Variants in PEPD observed in about 807,000 individuals in gnomAD.
PEPD encodes the protein peptidase D, also known as xaa-Pro dipeptidase.
Under a neutral mutation model 60.7 loss-of-function variants are expected in PEPD, and 53 were observed. The ratio of observed to expected loss-of-function variants is 0.87; its 90% CI spans 0.70 to 1.10. The LOEUF is 1.10. Among genes scored for constraint, PEPD ranks in the 50% least tolerant of loss-of-function variants. The pLI, the probability that PEPD is intolerant of heterozygous loss-of-function variation, is 0.00. For synonymous variants in PEPD, 267 were observed against 284.1 expected (o/e 0.94, Z 0.60); for missense variants, 711 against 711.9 (o/e 1.00, Z 0.01).
At chr19:33,503,670 C>A (rs1031291722) in intron 3 of PEPD, among the ~76,000 whole-genome samples, 3 of 152,184 alleles carry the variant, frequency 2.0e-5, no homozygotes, top group Non-Finnish European at 2.9e-5. Context: ...CAGCGAAATG[C>A]GTGGCTGGGA....
rs558165115 is a variant in PEPD at position 33,444,594 on chromosome 19, T to C, written c.671+18401A>G. ...AGCGCTCTCAGCTTCACCTCCAAAC[T>C]CACCCTCCAGCCCCCTCCCTCCCAT... On this transcript the variant is annotated intron_variant, in intron 9 of 14. Coordinates refer to ENST00000244137, the MANE Select transcript of PEPD (RefSeq NM_000285.4). Among the ~76,000 whole-genome samples, 196 of 138,770 alleles carry C rather than the reference T, an allele frequency of 1.4e-3. 1 individual carries two copies. Among genetic ancestry groups the C allele is most frequent in the African/African-American group, 4.6e-3 (167 of 36,546 alleles). The allele number at this position is 138,770 out of a possible 152,430, so 91.0% of individuals were successfully genotyped here.
chr19:33,448,956 C>T (rs1969645893), intron 9 of PEPD, among the ~76,000 whole-genome samples: 1 of 152,226 alleles, frequency 6.6e-6, no homozygotes, highest in Non-Finnish European at 1.5e-5. Context: ...AAACTCTGGC[C>T]TTTCTCTTGC....
intron 13 of PEPD, 72 bp from the exon 14 acceptor site, chr19:33,388,153 G>C: frequency 8.0e-7 from 1 of 1,250,032 alleles, no homozygotes. Flanking sequence ...GGAGAGATGG[G>C]CATGTGAGGG....
chr19:33,420,033 A>C (rs755935824), intron 9 of PEPD, among the ~76,000 whole-genome samples: 38 of 152,224 alleles, frequency 2.5e-4, no homozygotes. Context: ...TTAGCATTTT[A>C]ATTGGATAAT....
At chr19:33,500,258 G>A (rs1448265491) in intron 4 of PEPD, among the ~76,000 whole-genome samples, 1 of 152,248 alleles carries the variant, frequency 6.6e-6, no homozygotes, top group African/African-American at 2.4e-5. Flanking sequence ...GCCAGGCAGT[G>A]GTTTAGTGTC....
intron 1 of PEPD, among the ~76,000 whole-genome samples, chr19:33,514,297 G>A (rs1017325362): frequency 6.6e-6 from 1 of 152,058 alleles, no homozygotes; most frequent in Non-Finnish European, 1.5e-5. Context: ...TGAAGCTGTG[G>A]ATGAAACCTG....
intron 9 of PEPD, among the ~76,000 whole-genome samples, chr19:33,427,696 C>T (rs1246039287): frequency 3.3e-5 from 5 of 151,964 alleles, no homozygotes; most frequent in Non-Finnish European, 7.3e-5. Flanking sequence ...ATGCTACCCT[C>T]TTTTGGCTTC....
intron 9 of PEPD, among the ~76,000 whole-genome samples, chr19:33,414,536 G>C (rs961632355): frequency 1.3e-5 from 2 of 152,112 alleles, no homozygotes; most frequent in Non-Finnish European, 2.9e-5. Flanking sequence ...CTTTCCTGCC[G>C]GACCACAGCT....
intron 2 of PEPD, among the ~76,000 whole-genome samples, chr19:33,512,252 G>A (rs1195225182): frequency 6.6e-6 from 1 of 152,164 alleles, no homozygotes; most frequent in Non-Finnish European, 1.5e-5. Flanking sequence ...CTGCAAAATG[G>A]GTATAATGCT....
chr19:33,388,543 G>A, intron 13 of PEPD: 1 of 283,402 alleles, frequency 3.5e-6, no homozygotes, highest in South Asian at 3.8e-5. Flanking sequence ...GGCCCCAGAA[G>A]TCGTGGTCCC....
intron 9 of PEPD, among the ~76,000 whole-genome samples, chr19:33,425,806 T>TTA (rs1238259266): frequency 4.6e-5 from 7 of 152,194 alleles, no homozygotes; most frequent in Non-Finnish European, 8.8e-5. Context: ...AGATCCCGCC[T>TTA]TAAGGCTTCT....
intron 7 of PEPD, among the ~76,000 whole-genome samples, chr19:33,467,245 G>C (rs1970037653): frequency 6.7e-6 from 1 of 148,232 alleles, no homozygotes; most frequent in African/African-American, 2.4e-5. Context: ...GGAGGCCCTG[G>C]GCTTGTGACA....
intron 7 of PEPD, among the ~76,000 whole-genome samples, chr19:33,469,409 C>T (rs1283429735): frequency 6.6e-6 from 1 of 152,176 alleles, no homozygotes; most frequent in Non-Finnish European, 1.5e-5. Flanking sequence ...TCTCAACTTC[C>T]CGCACCTTCC....
intron 6 of PEPD, among the ~76,000 whole-genome samples, chr19:33,480,246 T>C (rs1010899553): frequency 1.3e-5 from 2 of 152,184 alleles, no homozygotes; most frequent in African/African-American, 4.8e-5. Context: ...GGAACTAGAA[T>C]GGCTATACTA....
chr19:33,399,979 C>A (rs534904517), intron 12 of PEPD, among the ~76,000 whole-genome samples: 1 of 152,092 alleles, frequency 6.6e-6, no homozygotes, highest in Non-Finnish European at 1.5e-5. Context: ...GGCGGCAGAG[C>A]TGGGGCTGGG....
chr19:33,441,609 T>G (rs1452991428), intron 9 of PEPD, among the ~76,000 whole-genome samples: 2 of 152,120 alleles, frequency 1.3e-5, no homozygotes, highest in East Asian at 3.9e-4. Flanking sequence ...TCAGGAGCAT[T>G]TATGAGCGCC....
chr19:33,512,475 CAG>C (rs1235091963), intron 2 of PEPD, 116 bp downstream of exon 2: 193 of 961,984 alleles, frequency 2.0e-4, no homozygotes, highest in Non-Finnish European at 3.4e-5. Context: ...GGCGAGGAAA[CAG>C]AGGCTCAGGG....
At chr19:33,477,964 G>T in intron 7 of PEPD, 82 bp downstream of exon 7, 1 of 905,558 alleles carries the variant, frequency 1.1e-6, no homozygotes, top group Non-Finnish European at 1.8e-6. Context: ...TCTCTGAGAC[G>T]GTGTGGGCAG....
chr19:33,399,528 C>T (rs934400442), intron 12 of PEPD, among the ~76,000 whole-genome samples: 4 of 152,012 alleles, frequency 2.6e-5, no homozygotes, highest in East Asian at 3.9e-4. Context: ...AGCGTCCCTC[C>T]GCGGCTCCTC....
Sources: gnomAD v4.1 joint callset for allele counts (sites outside exome capture counted in the v4.1 genomes callset) on GRCh38, gnomAD v4.1.1 for gene constraint, MANE v1.5 for transcripts, NCBI Gene and HGNC (gene_info 2026-07-23, HGNC 2026-07-21) for gene names.